INPP4B: variants seen among roughly 807,000 people sequenced by gnomAD.
The protein encoded by INPP4B is inositol polyphosphate-4-phosphatase type II B.
A neutral mutation model predicts 122.5 loss-of-function variants in INPP4B; 55 were observed. The ratio of observed to expected loss-of-function variants is 0.45; its 90% CI spans 0.36 to 0.56. INPP4B has a LOEUF of 0.56. Ranked by LOEUF, INPP4B falls within the 20% of genes least tolerant of loss-of-function variation. The pLI is 0.00. For synonymous variants in INPP4B, 403 were observed against 388.7 expected, an observed-to-expected ratio of 1.04 and a Z score of -0.43; for missense variants, 1,000 against 1,097.7, an observed-to-expected ratio of 0.91 and a Z score of 1.26.
At chr4:142,128,674 T>C (rs1267925456) in intron 18 of INPP4B, among the ~76,000 whole-genome samples, 1 of 152,150 alleles carries the variant, frequency 6.6e-6, no homozygotes, top group African/African-American at 2.4e-5. Flanking sequence ...GTGAAGTGTG[T>C]TGGGAGCCAT....
At chr4:142,030,020 A>C (rs1404842091) in intron 25 of INPP4B, 2 of 1,380,196 alleles carry the variant, frequency 1.4e-6, no homozygotes, top group Non-Finnish European at 1.9e-6. Context: ...ACAATTTAAC[A>C]TTTTTTAAAT....
intron 2 of INPP4B, among the ~76,000 whole-genome samples, chr4:142,488,854 T>C (rs1304087490): frequency 1.3e-5 from 2 of 152,094 alleles, no homozygotes; most frequent in African/African-American, 4.8e-5. Context: ...TTTCACTTTT[T>C]CTATTTGATT....
intron 7 of INPP4B, among the ~76,000 whole-genome samples, chr4:142,316,784 G>A (rs181850652): frequency 1.3e-5 from 2 of 152,210 alleles, no homozygotes; most frequent in East Asian, 3.9e-4. Flanking sequence ...GAAAATTTTT[G>A]ACAATTAATA....
At chr4:142,338,502 T>C (rs1010743915) in intron 7 of INPP4B, among the ~76,000 whole-genome samples, 3 of 152,150 alleles carry the variant, frequency 2.0e-5, no homozygotes, top group Non-Finnish European at 2.9e-5. Flanking sequence ...CCTCCCAAAG[T>C]GCTGGGATTA....
chr4:142,761,711 C>A (rs772720019), intron 1 of INPP4B, among the ~76,000 whole-genome samples: 54 of 152,108 alleles, frequency 3.6e-4, no homozygotes, highest in Non-Finnish European at 2.9e-4. Context: ...ATTGCACCAG[C>A]CCTTTTTGTC....
At chr4:142,523,486 C>T (rs967579443) in intron 2 of INPP4B, among the ~76,000 whole-genome samples, 3 of 152,018 alleles carry the variant, frequency 2.0e-5, no homozygotes, top group Non-Finnish European at 4.4e-5. Flanking sequence ...AAAAGCTTCC[C>T]AATCTCAGAA....
At chr4:142,773,461 A>T (rs1246306643) in intron 1 of INPP4B, among the ~76,000 whole-genome samples, 1 of 152,202 alleles carries the variant, frequency 6.6e-6, no homozygotes, top group Non-Finnish European at 1.5e-5. Flanking sequence ...CATGAGCTAC[A>T]CATATGCACA....
intron 1 of INPP4B, among the ~76,000 whole-genome samples, chr4:142,798,152 T>C (rs1777525068): frequency 6.6e-6 from 1 of 151,908 alleles, no homozygotes; most frequent in Non-Finnish European, 1.5e-5. Context: ...ATTTCTTTAC[T>C]GTTACCAAAG....
At chr4:142,441,816 CT>C (rs34592495) in intron 3 of INPP4B, among the ~76,000 whole-genome samples, 92,673 of 142,008 alleles carry the variant, frequency 0.65, 31,467 homozygotes, top group Non-Finnish European at 0.78. Flanking sequence ...TAAGAAATAG[CT>C]TTTTTTTTTT....
At chr4:142,603,056 GA>G (rs1435744668) in intron 2 of INPP4B, among the ~76,000 whole-genome samples, 3 of 152,102 alleles carry the variant, frequency 2.0e-5, no homozygotes, top group Non-Finnish European at 4.4e-5. Context: ...CCATAAAAAG[GA>G]ACAAGATCAT....
At chr4:142,551,104 C>A (rs1165648445) in intron 2 of INPP4B, among the ~76,000 whole-genome samples, 1 of 152,142 alleles carries the variant, frequency 6.6e-6, no homozygotes, top group South Asian at 2.1e-4. Context: ...AAGAAGCAAC[C>A]ATTTGTGGTT....
intron 2 of INPP4B, among the ~76,000 whole-genome samples, chr4:142,640,660 T>G (rs546711469): frequency 6.6e-6 from 1 of 151,642 alleles, no homozygotes; most frequent in Non-Finnish European, 1.5e-5. Flanking sequence ...ATTAAGACAG[T>G]AAAGAGGCAA....
At chr4:142,786,932 G>A (rs554678330) in intron 1 of INPP4B, among the ~76,000 whole-genome samples, 45 of 151,890 alleles carry the variant, frequency 3.0e-4, no homozygotes, top group African/African-American at 8.7e-4. Flanking sequence ...GTGGTATCTC[G>A]GATAGAATCC....
At chr4:142,478,983 C>A (rs1341043244) in intron 2 of INPP4B, among the ~76,000 whole-genome samples, 2 of 151,940 alleles carry the variant, frequency 1.3e-5, no homozygotes, top group African/African-American at 4.8e-5. Context: ...CTAATCAAAC[C>A]AAAGAGCTTC....
Position 142,627,238 on chromosome 4 carries a change from C to A in INPP4B, c.-191+98601G>T, listed in dbSNP as rs1318921736. On this transcript the variant is annotated intron_variant, in intron 2 of 25. Transcript: ENST00000262992. Reference sequence around the variant, plus strand: ...CTTCCTCTTTTCCTAATTGAATACCCTTTATTTCCTTCTCCTGCCTAATTG... The same window carrying A: ...CTTCCTCTTTTCCTAATTGAATACCATTTATTTCCTTCTCCTGCCTAATTG... Among the ~76,000 whole-genome samples, 7 of 151,918 alleles carry A rather than the reference C, an allele frequency of 4.6e-5. No individual in the cohort carries two copies. In the East Asian group the frequency reaches 1.2e-3, roughly 25 times the overall value.
At chr4:142,830,385 T>C (rs939118940) in intron 1 of INPP4B, among the ~76,000 whole-genome samples, 18 of 152,066 alleles carry the variant, frequency 1.2e-4, no homozygotes, top group African/African-American at 3.9e-4. Flanking sequence ...AGCAATTTCA[T>C]TGGAGTTGTG....
chr4:142,270,804 G>C (rs1745400258), intron 9 of INPP4B, 30 bp from the exon 10 acceptor site: 1 of 1,438,326 alleles, frequency 7.0e-7, no homozygotes, highest in Non-Finnish European at 9.8e-7. Flanking sequence ...AAATGGAAAG[G>C]TAAGAAGCTT....
chr4:142,664,948 A>G (rs1237239286), intron 2 of INPP4B, among the ~76,000 whole-genome samples: 1 of 152,222 alleles, frequency 6.6e-6, no homozygotes, highest in African/African-American at 2.4e-5. Context: ...CCTAGGCTCT[A>G]TGGTACAGCC....
chr4:142,776,431 G>A (rs1773930178), intron 1 of INPP4B, among the ~76,000 whole-genome samples: 2 of 152,166 alleles, frequency 1.3e-5, no homozygotes, highest in South Asian at 4.1e-4. Context: ...TGGACTGCTT[G>A]TTGAATATTG....
Sources: allele counts gnomAD v4.1 joint callset (sites outside exome capture counted in the v4.1 genomes callset), GRCh38; gene constraint gnomAD v4.1.1; transcripts MANE v1.5; gene names NCBI Gene and HGNC (gene_info 2026-07-23, HGNC 2026-07-21).